The following ZMYM1 variants were observed in gnomAD, a reference collection of about 807,000 sequenced individuals.
The protein encoded by ZMYM1 is zinc finger MYM-type protein 1.
ZMYM1 carries 39 observed loss-of-function variants against 60.0 expected under a neutral mutation model. The ratio of observed to expected loss-of-function variants is 0.65; its 90% CI spans 0.50 to 0.85. ZMYM1 has a LOEUF of 0.85. ZMYM1 is among the 40% of genes least tolerant of loss of function. ZMYM1 has a pLI of 0.00. For synonymous variants in ZMYM1, 413 were observed against 454.0 expected, an observed-to-expected ratio of 0.91 and a Z score of 1.15; for missense variants, 1,171 against 1,309.5, an observed-to-expected ratio of 0.89 and a Z score of 1.63.
At chr1:35,060,864 C>G (rs1170187764) in intron 1 of ZMYM1, among the ~76,000 whole-genome samples, 1 of 152,216 alleles carries the variant, frequency 6.6e-6, no homozygotes, top group Non-Finnish European at 1.5e-5. Flanking sequence ...CAGAAGGAGA[C>G]TGGCCCTGGT....
Position 35,110,331 on chromosome 1 carries a change from C to A in ZMYM1, c.845C>A (p.Pro282Gln). 1 of 1,576,008 alleles carries A rather than the reference C, an allele frequency of 6.3e-7. No homozygotes were observed. Among genetic ancestry groups the A allele is most frequent in the Non-Finnish European group, 8.6e-7 (1 of 1,164,798 alleles). ...CCACTTATATCTGTTCCTTGCAAACCATTGAAGCCCTCAGATGAAATGATT... is the reference window on the plus strand; with the variant it reads ...CCACTTATATCTGTTCCTTGCAAACAATTGAAGCCCTCAGATGAAATGATT... ...AKPLISVPCK[P>Q]LKPSDEMIET... Residue 282 changes from proline (P) to glutamine (Q), a missense_variant, in exon 7 of 10, where the codon CCA becomes CAA. Pro to Gln is a moderately conservative substitution (Grantham distance 76). Coordinates refer to ENST00000359858, the MANE Select transcript of ZMYM1 (RefSeq NM_024772.5).
chr1:35,060,870 C>T (rs140961800), intron 1 of ZMYM1, among the ~76,000 whole-genome samples: 2 of 152,332 alleles, frequency 1.3e-5, no homozygotes, highest in African/African-American at 4.8e-5. Context: ...GAGACTGGCC[C>T]TGGTGCTTGA....
At chr1:35,118,475 C>T (rs1038520756), downstream of ZMYM1, among the ~76,000 whole-genome samples, 5 of 152,054 alleles carry the variant, frequency 3.3e-5, no homozygotes, top group Non-Finnish European at 7.4e-5. Flanking sequence ...CCTGTAATCC[C>T]AGCACTTTGG....
At chr1:35,095,330 C>T (rs1643248608) in intron 2 of ZMYM1, among the ~76,000 whole-genome samples, 1 of 151,432 alleles carries the variant, frequency 6.6e-6, no homozygotes, top group Non-Finnish European at 1.5e-5. Flanking sequence ...AACATCTCCA[C>T]TAAAAATTAA....
At position 35,115,218 on chromosome 1, in the gene ZMYM1, G is replaced by A. The variant is rs373409759; in HGVS notation, c.3388G>A (p.Glu1130Lys). 1.3e-6 allele frequency: 2 copies of A among 1,598,932 alleles called. No individual in the cohort carries two copies. Among genetic ancestry groups the A allele is most frequent in the East Asian group, 2.2e-5 (1 of 44,794 alleles). ...ACTAATGGAGCCTGAAAGACTCAAT[G>A]AAATTGTGGAAAAGTTTATCAGTCA... ...NKLMEPERLN[E>K]IVEKFISQMK... Residue 1130 changes from glutamate (E) to lysine (K), a missense_variant, in exon 10 of 10, where the codon GAA (glutamate) becomes AAA (lysine). Glu to Lys is a moderately conservative substitution (Grantham distance 56). Coordinates refer to ENST00000359858, the MANE Select transcript of ZMYM1 (RefSeq NM_024772.5).
intron 4 of ZMYM1, among the ~76,000 whole-genome samples, chr1:35,099,343 C>T (rs1643514545): frequency 6.6e-6 from 1 of 152,074 alleles, no homozygotes; most frequent in African/African-American, 2.4e-5. Flanking sequence ...TGCTTTCTCT[C>T]CCTGCAGAGT....
At chr1:35,078,525 G>A (rs964978064), upstream of ZMYM1, among the ~76,000 whole-genome samples, 2 of 138,432 alleles carry the variant, frequency 1.4e-5, no homozygotes, top group Non-Finnish European at 3.0e-5. Flanking sequence ...CATGCAGTTT[G>A]GGGTTATTTT....
chr1:35,114,001 T>C lies in ZMYM1; in HGVS notation c.2171T>C (p.Ile724Thr), dbSNP rs1332564240. 4 of 1,606,586 alleles carry C rather than the reference T, an allele frequency of 2.5e-6. No homozygotes were observed. Among genetic ancestry groups the C allele is most frequent in the Non-Finnish European group, 3.4e-6 (4 of 1,178,214 alleles). The change falls in exon 10 of 10, where the codon ATA becomes ACA. Residue 724 changes from isoleucine to threonine, a missense_variant. Ile to Thr is a moderately conservative substitution (Grantham distance 89). Transcript: ENST00000359858. The stretch of plus-strand genomic sequence containing the variant: ...TATGATAGCACCACTAATTTGAAGA[T>C]AAAATTTAATAAAATAGCAGCAGAA... ...QAYDSTTNLK[I>T]KFNKIAAEFK...
chr1:35,092,753 G>A (rs561927300), intron 1 of ZMYM1, among the ~76,000 whole-genome samples: 5 of 151,854 alleles, frequency 3.3e-5, no homozygotes, highest in Non-Finnish European at 4.4e-5. Flanking sequence ...TCAGCCTACC[G>A]AGTAGCTGGG....
intron 1 of ZMYM1, among the ~76,000 whole-genome samples, chr1:35,085,325 G>A (rs1642599358): frequency 6.6e-6 from 1 of 152,192 alleles, no homozygotes; most frequent in African/African-American, 2.4e-5. Context: ...GGGATTACAG[G>A]CGTGAGCCAC....
At chr1:35,100,111 G>A (rs145869511) in intron 4 of ZMYM1, among the ~76,000 whole-genome samples, 3,648 of 151,858 alleles carry the variant, frequency 0.024, 58 homozygotes, top group Non-Finnish European at 0.038. Context: ...GGCTGGTCTC[G>A]AACTCCGGAC....
At chr1:35,086,982 C>CTATTTT (rs1642690299) in intron 1 of ZMYM1, among the ~76,000 whole-genome samples, 1 of 100,084 alleles carries the variant, frequency 1.0e-5, no homozygotes, top group Non-Finnish European at 1.9e-5. Flanking sequence ...CGCACCCAGC[C>CTATTTT]TTTTTTTTTT....
chr1:35,114,985 G>C lies in ZMYM1; in HGVS notation c.3155G>C (p.Cys1052Ser). Residue 1052 changes from cysteine to serine, a missense_variant, in exon 10 of 10, where the codon TGT becomes TCT. Coordinates refer to ENST00000359858, the MANE Select transcript of ZMYM1 (RefSeq NM_024772.5). ...TGCATAAACTTCGTCAGTCTCGGCT[G>C]TTTGTTTATTCAGCATGGTCTTCAC... is the stretch of plus-strand genomic sequence containing the variant. Reference protein sequence around the residue: ...DSCINFVSLGCLFIQHGLHSN... With the variant: ...DSCINFVSLGSLFIQHGLHSN... 1 of 1,614,052 alleles carries C rather than the reference G, an allele frequency of 6.2e-7. No individual in the cohort carries two copies. Among genetic ancestry groups the C allele is most frequent in the Non-Finnish European group, 8.5e-7 (1 of 1,179,940 alleles).
chr1:35,104,855 C>T (rs1032179911), intron 6 of ZMYM1, 86 bp downstream of exon 6: 44 of 1,102,210 alleles, frequency 4.0e-5, no homozygotes, highest in Non-Finnish European at 5.3e-5. Context: ...GTTTTTGGTA[C>T]CCTTTGGAAT....
chr1:35,102,505 G>A (rs946831854), intron 4 of ZMYM1, among the ~76,000 whole-genome samples: 1 of 152,116 alleles, frequency 6.6e-6, no homozygotes, highest in African/African-American at 2.4e-5. Flanking sequence ...TTTGGGTATC[G>A]ATCAAGTTGA....
Position 35,113,709 on chromosome 1 carries a change from A to T in ZMYM1, c.1879A>T (p.Thr627Ser). 1 of 1,613,856 alleles carries T rather than the reference A, an allele frequency of 6.2e-7. No homozygotes were observed. The highest frequency in any genetic ancestry group is 8.5e-7 in the Non-Finnish European group (1 of 1,179,874). Reference protein sequence around the residue: ...IQSDIIEIIKTEMLQDIVNEI... With the variant: ...IQSDIIEIIKSEMLQDIVNEI... ...AAGTGATATTATCGAAATAATAAAGACTGAAATGTTGCAGGATATTGTGAA... is the reference window on the plus strand; with the variant it reads ...AAGTGATATTATCGAAATAATAAAGTCTGAAATGTTGCAGGATATTGTGAA... The change falls in exon 10 of 10, where the codon ACT becomes TCT. Residue 627 changes from threonine (T) to serine (S), a missense_variant. By Grantham distance (58) the Thr-to-Ser change is moderately conservative. Transcript: ENST00000359858.
chr1:35,088,585 A>G lies in ZMYM1; in HGVS notation c.-74-5329A>G, dbSNP rs938485726. 4.0e-5 allele frequency among the ~76,000 whole-genome samples: 6 copies of G among 150,034 alleles called. No individual in the cohort carries two copies. The East Asian group carries it at 9.7e-4, about 24-fold the overall frequency. Reference sequence around the variant, plus strand: ...GATGTGCAACATTCATCCTTTGACTATTAATACCTGTACTCTTTCATACTA... The same window carrying G: ...GATGTGCAACATTCATCCTTTGACTGTTAATACCTGTACTCTTTCATACTA... On this transcript the variant is annotated intron_variant, in intron 1 of 9. Transcript: ENST00000359858.
Position 35,113,555 on chromosome 1 carries a change from C to T in ZMYM1, c.1725C>T (p.Asp575=). 1 of 1,613,340 alleles carries T rather than the reference C, an allele frequency of 6.2e-7. No individual in the cohort carries two copies. The highest frequency in any genetic ancestry group is 8.5e-7 in the Non-Finnish European group (1 of 1,179,776). The change falls in exon 10 of 10, where the codon GAC becomes GAT. Residue 575 remains aspartate, a synonymous_variant. Transcript: ENST00000359858. ...GKQCLPLRGN[D]QSVSSVNKGN... is the part of the protein sequence containing the mutation. ...AGTGTTTACCCTTAAGAGGAAACGA[C>T]CAGTCAGTTTCATCTGTGAATAAAG...
chr1:35,082,236 T>C (rs2148489618), intron 1 of ZMYM1, among the ~76,000 whole-genome samples: 1 of 146,998 alleles, frequency 6.8e-6, no homozygotes, highest in African/African-American at 2.5e-5. Flanking sequence ...AATTCACTTA[T>C]TCTAATAGTT....
Sources: gnomAD v4.1 joint callset for allele counts (sites outside exome capture counted in the v4.1 genomes callset) on GRCh38, gnomAD v4.1.1 for gene constraint, MANE v1.5 for transcripts, NCBI Gene and HGNC (gene_info 2026-07-23, HGNC 2026-07-21) for gene names.